KIF20A: variants seen among roughly 807,000 people sequenced by gnomAD.
KIF20A encodes kinesin family member 20A.
A neutral mutation model predicts 113.0 loss-of-function variants in KIF20A; 66 were observed. That is an observed-to-expected ratio of 0.58 (90% CI 0.48 to 0.72). The LOEUF is 0.72. KIF20A is among the 30% of genes least tolerant of loss of function. The pLI is 0.00. For synonymous variants in KIF20A, 376 were observed against 402.3 expected, an observed-to-expected ratio of 0.93 and a Z score of 0.78; for missense variants, 927 against 1,077.6, an observed-to-expected ratio of 0.86 and a Z score of 1.96.
chr5:138,186,048 A>T lies in KIF20A; in HGVS notation c.2213A>T (p.Gln738Leu), dbSNP rs758372805. The T allele has an allele frequency of 1.2e-6, 2 of 1,613,426 alleles. No homozygotes were observed. Reference sequence around the variant, plus strand: ...GTGGACAAGAAGTTAGAAGAGGGCCAGAAGGTAATTACCACCATTCTCTGT... The same window carrying T: ...GTGGACAAGAAGTTAGAAGAGGGCCTGAAGGTAATTACCACCATTCTCTGT... ...IDVDKKLEEG[Q>L]KNIRLLRTEL... The change falls in exon 17 of 19, where the codon CAG becomes CTG. Residue 738 changes from glutamine (Q) to leucine (L), a missense_variant. Physicochemically the swap from Gln to Leu is moderately radical, Grantham distance 113 (BLOSUM62 -2). Transcript: ENST00000394894.
rs1443642856 is a variant in KIF20A, at chr5:138,184,363, G to A, written c.1477G>A (p.Glu493Lys). The change falls in exon 12 of 19, where the codon GAA becomes AAA. Residue 493 changes from glutamate (E) to lysine (K), a missense_variant. Transcript: ENST00000394894. ...GAATCCCTGTGCATCTACCTATGAT[G>A]AAACTCTTCATGTGGCCAAGTTCTC... Reference protein sequence around the residue: ...NVNPCASTYDETLHVAKFSAI... With the variant: ...NVNPCASTYDKTLHVAKFSAI... 2 of 1,614,196 alleles carry A rather than the reference G, an allele frequency of 1.2e-6. No homozygotes were observed. Among genetic ancestry groups the A allele is most frequent in the South Asian group, 1.1e-5 (1 of 91,074 alleles).
intron 2 of KIF20A, among the ~76,000 whole-genome samples, chr5:138,180,625 C>T (rs1448832212): frequency 6.6e-6 from 1 of 152,154 alleles, no homozygotes; most frequent in East Asian, 1.9e-4. Context: ...CAGAGCTTCT[C>T]GGTTCCTAGG....
At position 138,183,593 on chromosome 5, in the gene KIF20A, G is replaced by GT. The variant is rs572114596; in HGVS notation, c.1139+13dup. ...AACTCCAGCCGCAGGTGAGTAGATT[G>GT]TAAGAATAAACTCTTCACTGTGTTC... On this transcript the variant is annotated intron_variant, in intron 9 of 18. Transcript: ENST00000394894. The surrounding 1 kb of genome is among the most constrained non-coding windows in gnomAD (Gnocchi z 5.2). The GT allele has an allele frequency of 2.9e-4, 464 of 1,611,936 alleles. 1 individual carries two copies. The African/African-American group carries it at 4.9e-3, about 17-fold the overall frequency.
At chr5:138,182,482 G>A (rs1581477684) in intron 5 of KIF20A, 21 bp downstream of exon 5, 1 of 1,612,998 alleles carries the variant, frequency 6.2e-7, no homozygotes, top group East Asian at 2.2e-5. Context: ...AGCCTTCACG[G>A]GATTCCTGAT....
Position 138,187,417 on chromosome 5 carries a change from T to A in KIF20A, c.*4T>A, listed in dbSNP as rs1754764923. ...GCCTTTTGGCAAAAAGTACTAAGGC[T>A]GTGGGGAAAGAGAAGAGCAGTCATG... is the stretch of plus-strand genomic sequence containing the variant. On this transcript the variant is annotated 3_prime_UTR_variant, in exon 19 of 19. Transcript: ENST00000394894. 6.2e-7 allele frequency: 1 copy of A among 1,608,734 alleles called. No homozygotes were observed. The highest frequency in any genetic ancestry group is 1.7e-5 in the Admixed American group (1 of 59,520).
At position 138,181,660 on chromosome 5, in the gene KIF20A, G is replaced by T. The variant is rs1186823360; in HGVS notation, c.307G>T (p.Asp103Tyr). The T allele has an allele frequency of 6.2e-7, 1 of 1,614,180 alleles. No individual in the cohort carries two copies. Among genetic ancestry groups the T allele is most frequent in the South Asian group, 1.1e-5 (1 of 91,084 alleles). ...GACCCTTGTTCTACAAGCACCCAAG[G>T]ACTCTTTTGCCCTGAAGAGCAATGA... ...VETLVLQAPK[D>Y]SFALKSNERG... The change falls in exon 4 of 19, where the codon GAC (aspartate) becomes TAC (tyrosine). Residue 103 changes from aspartate (D) to tyrosine (Y), a missense_variant. Transcript: ENST00000394894.
chr5:138,186,501 G>A (rs1035973000), intron 18 of KIF20A, 70 bp downstream of exon 18: 32 of 1,504,720 alleles, frequency 2.1e-5, no homozygotes, highest in Non-Finnish European at 2.5e-5. Context: ...AAAGGAAAGA[G>A]GACCAGAAGA....
chr5:138,187,119 GAAC>G lies in KIF20A; in HGVS notation c.2384_2386del (p.Asn795del). The G allele has an allele frequency of 6.2e-7, 1 of 1,611,090 alleles. No homozygotes were observed. The highest frequency in any genetic ancestry group is 8.5e-7 in the Non-Finnish European group (1 of 1,177,562). Reference sequence around the variant, plus strand: ...AGGACCAGACTCTGGCTGAACTGCAGAACAACATGGTGCTAGTGAAACTGGACC... The same window carrying G: ...AGGACCAGACTCTGGCTGAACTGCAGAACATGGTGCTAGTGAAACTGGACC... On this transcript the variant is annotated inframe_deletion, in exon 19 of 19. Transcript: ENST00000394894.
rs763538355 is a variant in KIF20A, at chr5:138,183,118, G to T, written c.833-51G>T. ...CTTCCAAGGCCCCTGCAGGCCAAAA[G>T]AGAGGTGAACTGCTCTAGGTTGATG... On this transcript the variant is annotated intron_variant, in intron 7 of 18. Coordinates refer to ENST00000394894, the MANE Select transcript of KIF20A (RefSeq NM_005733.3). The surrounding 1 kb of genome is among the most constrained non-coding windows in gnomAD (Gnocchi z 5.2). 1 of 1,603,008 alleles carries T rather than the reference G, an allele frequency of 6.2e-7. No homozygotes were observed. The highest frequency in any genetic ancestry group is 2.2e-5 in the East Asian group (1 of 44,794).
chr5:138,182,421 A>C lies in KIF20A; in HGVS notation c.474A>C (p.Thr158=), dbSNP rs780566226. The change falls in exon 5 of 19, where the codon ACA becomes ACC. Residue 158 remains threonine, a synonymous_variant. Transcript: ENST00000394894. ...AAGGGCAGAACTGGCTCATCTATACATATGGAGTCACTAACTCAGGGAAAA... is the reference window on the plus strand; with the variant it reads ...AAGGGCAGAACTGGCTCATCTATACCTATGGAGTCACTAACTCAGGGAAAA... ...VLKGQNWLIY[T]YGVTNSGKTH... 1.2e-6 allele frequency: 2 copies of C among 1,614,222 alleles called. No individual in the cohort carries two copies. Among genetic ancestry groups the C allele is most frequent in the Non-Finnish European group, 1.7e-6 (2 of 1,180,032 alleles).
In KIF20A at chr5:138,185,692, C is replaced by T. The variant is rs550336770; in HGVS notation, c.2107C>T (p.Leu703=). Reference sequence around the variant, plus strand: ...TAAATTACAGCAGTGCAAAGCAGAGCTAAACTCTACCACTGAAGGTGAGGA... The same window carrying T: ...TAAATTACAGCAGTGCAAAGCAGAGTTAAACTCTACCACTGAAGGTGAGGA... ...KAKLQQCKAE[L]NSTTEELHKY... The change falls in exon 16 of 19, where the codon CTA becomes TTA. Residue 703 remains leucine, a synonymous_variant. Transcript: ENST00000394894. The T allele has an allele frequency of 9.9e-6, 16 of 1,614,138 alleles. No individual in the cohort carries two copies. The South Asian group carries it at 1.8e-4, about 18-fold the overall frequency.
rs1394850972 is a variant in KIF20A, at chr5:138,184,600, AG to A, written c.1608del (p.Ala539LeufsTer32). 1 of 1,614,082 alleles carries A rather than the reference AG, an allele frequency of 6.2e-7. No individual in the cohort carries two copies. Among genetic ancestry groups the A allele is most frequent in the Non-Finnish European group, 8.5e-7 (1 of 1,180,022 alleles). On this transcript the variant is annotated frameshift_variant, in exon 13 of 19. Transcript: ENST00000394894. LOFTEE classifies it high-confidence loss of function. Reference sequence around the variant, plus strand: ...AGTCTTCAGGTATCCCCCAGCTTAGAGAAAGGGGCTAAGGCAGACACAGGCC... The same window carrying A: ...AGTCTTCAGGTATCCCCCAGCTTAGAAAAGGGGCTAAGGCAGACACAGGCC... ...EHSLQVSPSL[E>X]KGAKADTGLD...
intron 2 of KIF20A, 23 bp downstream of exon 2, chr5:138,179,868 G>A (rs369386855): frequency 4.0e-5 from 65 of 1,612,020 alleles, no homozygotes; most frequent in Non-Finnish European, 5.2e-5. Flanking sequence ...GGGAGTGGCT[G>A]GGGCGGAAAG....
intron 2 of KIF20A, among the ~76,000 whole-genome samples, chr5:138,180,066 A>G (rs1754624131): frequency 6.6e-6 from 1 of 152,246 alleles, no homozygotes; most frequent in African/African-American, 2.4e-5. Context: ...CAGAAGAACT[A>G]TAATTTGCAT....
At position 138,184,109 on chromosome 5, in the gene KIF20A, A is replaced by C. The variant is rs763039569; in HGVS notation, c.1352+4A>C. ...TTCGTCAAAACCAGCAGAACCGGTG[A>C]GCTTTTGACTATAATTCCTGGGCTC... On this transcript the variant is annotated splice_donor_region_variant and intron_variant, in intron 11 of 18. Coordinates refer to ENST00000394894, the MANE Select transcript of KIF20A (RefSeq NM_005733.3). The C allele has an allele frequency of 6.2e-7, 1 of 1,614,124 alleles. No homozygotes were observed. Among genetic ancestry groups the C allele is most frequent in the Non-Finnish European group, 8.5e-7 (1 of 1,180,006 alleles).
intron 11 of KIF20A, 23 bp downstream of exon 11, chr5:138,184,128 T>C (rs761764991): frequency 2.7e-5 from 43 of 1,613,714 alleles, no homozygotes; most frequent in Non-Finnish European, 3.6e-5. Flanking sequence ...CTATAATTCC[T>C]GGGCTCTGCA....
rs777575454 is a variant in KIF20A, at chr5:138,182,392, C to T, written c.445C>T (p.Leu149Phe). The stretch of plus-strand genomic sequence containing the variant: ...TGTGAAGGAGATGGTAAAGGATGTA[C>T]TCAAAGGGCAGAACTGGCTCATCTA... ...LTVKEMVKDVLKGQNWLIYTY... is the reference protein window; with the variant it reads ...LTVKEMVKDVFKGQNWLIYTY... The change falls in exon 5 of 19, where the codon CTC (leucine) becomes TTC (phenylalanine). Residue 149 changes from leucine to phenylalanine, a missense_variant. By Grantham distance (22) the Leu-to-Phe change is conservative. Transcript: ENST00000394894. 3.7e-6 allele frequency: 6 copies of T among 1,614,178 alleles called. No individual in the cohort carries two copies. The highest frequency in any genetic ancestry group is 2.2e-5 in the South Asian group (2 of 91,086).
rs778145786 is a variant in KIF20A at position 138,185,541 on chromosome 5, A to C, written c.1956A>C (p.Glu652Asp). 6.2e-7 allele frequency: 1 copy of C among 1,613,806 alleles called. No homozygotes were observed. The highest frequency in any genetic ancestry group is 1.3e-5 in the African/African-American group (1 of 75,038). ...QERDEKIEEL[E>D]ALLQEARQQS... ...GGGATGAAAAGATTGAAGAGCTAGAAGCTCTCTTGCAGGAAGCCAGACAAC... is the reference window on the plus strand; with the variant it reads ...GGGATGAAAAGATTGAAGAGCTAGACGCTCTCTTGCAGGAAGCCAGACAAC... Residue 652 changes from glutamate to aspartate, a missense_variant, in exon 16 of 19, where the codon GAA becomes GAC. Transcript: ENST00000394894.
intron 17 of KIF20A, 63 bp downstream of exon 17, chr5:138,186,115 T>C: frequency 1.3e-6 from 2 of 1,520,404 alleles, no homozygotes; most frequent in East Asian, 2.3e-5. Flanking sequence ...CATCCAACAC[T>C]CTATCACTGG....
Sources: gnomAD v4.1 joint callset for allele counts (sites outside exome capture counted in the v4.1 genomes callset) on GRCh38, gnomAD v4.1.1 for gene constraint, Gnocchi (gnomAD v3.1) non-coding constraint, MANE v1.5 for transcripts, NCBI Gene and HGNC (gene_info 2026-07-23, HGNC 2026-07-21) for gene names.